Variants in PRKG1 observed in about 807,000 individuals in gnomAD.
PRKG1 encodes the protein cGMP-dependent protein kinase 1.
Under a neutral mutation model 88.1 loss-of-function variants are expected in PRKG1, and 35 were observed. The ratio of observed to expected loss-of-function variants is 0.40; its 90% CI spans 0.30 to 0.53. PRKG1 has a LOEUF of 0.53. Among genes scored for constraint, PRKG1 ranks in the 20% least tolerant of loss-of-function variants. PRKG1 has a pLI of 0.59. For synonymous variants in PRKG1, 303 were observed against 292.5 expected (o/e 1.04, Z -0.37); for missense variants, 540 against 839.8 (o/e 0.64, Z 4.41).
At chr10:51,583,128 A>T (rs10823239) in intron 3 of PRKG1, among the ~76,000 whole-genome samples, 3 of 151,954 alleles carry the variant, frequency 2.0e-5, no homozygotes, top group Admixed American at 6.6e-5. Context: ...CAGAAAGAAT[A>T]TAGCACAGTA....
intron 3 of PRKG1, among the ~76,000 whole-genome samples, chr10:51,533,426 G>A (rs926995164): frequency 1.3e-5 from 2 of 152,152 alleles, no homozygotes; most frequent in African/African-American, 4.8e-5. Context: ...CTGGAACTAA[G>A]TCCCTGACCC....
At chr10:51,136,480 T>C (rs1845688021) in intron 1 of PRKG1, among the ~76,000 whole-genome samples, 1 of 150,964 alleles carries the variant, frequency 6.6e-6, no homozygotes, top group Non-Finnish European at 1.5e-5. Context: ...AAGTTTAGAA[T>C]AGAGCCCTGG....
At chr10:52,262,225 T>G (rs1910542) in intron 10 of PRKG1, among the ~76,000 whole-genome samples, 135,707 of 152,116 alleles carry the variant, frequency 0.89, 61,133 homozygotes, top group East Asian at 1. Flanking sequence ...TATCTGATTT[T>G]AACTTACAAT....
At chr10:52,277,992 A>G (rs185433894) in intron 12 of PRKG1, among the ~76,000 whole-genome samples, 1 of 152,290 alleles carries the variant, frequency 6.6e-6, no homozygotes, top group Admixed American at 6.5e-5. Context: ...TCAAATCACA[A>G]TTAGACAGTC....
intron 3 of PRKG1, among the ~76,000 whole-genome samples, chr10:51,714,125 G>A (rs1420545596): frequency 1.3e-5 from 2 of 151,930 alleles, no homozygotes; most frequent in African/African-American, 2.4e-5. Flanking sequence ...GACTACAGGC[G>A]CCCGCCACCA....
At chr10:52,253,466 A>G (rs1589736649) in intron 10 of PRKG1, 1 of 151,976 alleles carries the variant, frequency 6.6e-6, no homozygotes, top group Non-Finnish European at 1.5e-5. Flanking sequence ...GGAGGTACAA[A>G]CAAAATTTTG....
intron 12 of PRKG1, among the ~76,000 whole-genome samples, chr10:52,273,592 C>T (rs1277759927): frequency 6.6e-6 from 1 of 151,922 alleles, no homozygotes; most frequent in Non-Finnish European, 1.5e-5. Context: ...TACAACAGGC[C>T]CTTTCGTGTT....
At position 51,153,171 on chromosome 10, in the gene PRKG1, G is replaced by A. The variant is rs751916382; in HGVS notation, c.319G>A (p.Asp107Asn). The change falls in exon 2 of 18, where the codon GAT (aspartate) becomes AAT (asparagine). Residue 107 changes from aspartate to asparagine, a missense_variant. Asp to Asn is a conservative substitution (Grantham distance 23, BLOSUM62 1). Around this residue, in one of 5 missense-constraint regions of PRKG1, gnomAD observed 400 missense variants for 562.7 expected, o/e 0.71. Coordinates refer to ENST00000373980, the MANE Select transcript of PRKG1 (RefSeq NM_006258.4). Reference sequence around the variant, plus strand: ...TTCCCTCTCTTGCCATAGGTCCAAGGATCTTATAAAGGAAGCTATCCTTGA... The same window carrying A: ...TTCCCTCTCTTGCCATAGGTCCAAGAATCTTATAAAGGAAGCTATCCTTGA... ...PFYPKSPQSK[D>N]LIKEAILDND... The A allele has an allele frequency of 1.5e-5, 24 of 1,611,244 alleles. No homozygotes were observed. Among genetic ancestry groups the A allele is most frequent in the Non-Finnish European group, 2.0e-5 (23 of 1,178,242 alleles).
chr10:51,229,926 C>CAAAAAAAAAAAAAAAAAAAA (rs35300789), intron 2 of PRKG1, among the ~76,000 whole-genome samples: 2 of 33,570 alleles, frequency 6.0e-5, no homozygotes, highest in African/African-American at 1.7e-4. Context: ...GAGGCGATCT[C>CAAAAAAAAAAAAAAAAAAAA]AAAAAAAAAA....
intron 2 of PRKG1, among the ~76,000 whole-genome samples, chr10:51,359,540 A>G (rs776461574): frequency 1.1e-4 from 17 of 151,898 alleles, no homozygotes; most frequent in Non-Finnish European, 2.5e-4. Flanking sequence ...TACTAATTTT[A>G]TTGAATTCAG....
At chr10:51,626,587 A>G (rs191261223) in intron 3 of PRKG1, among the ~76,000 whole-genome samples, 198 of 152,248 alleles carry the variant, frequency 1.3e-3, no homozygotes, top group Non-Finnish European at 2.1e-3. Context: ...AATAGCATTG[A>G]TTTTCAGACT....
intron 5 of PRKG1, among the ~76,000 whole-genome samples, chr10:51,987,401 T>C (rs1844189032): frequency 6.6e-6 from 1 of 151,460 alleles, no homozygotes; most frequent in South Asian, 2.1e-4. Context: ...CAAGCTTATG[T>C]TCTATACGTG....
chr10:51,627,970 C>CTT (rs531728027), intron 3 of PRKG1, among the ~76,000 whole-genome samples: 63,893 of 85,556 alleles, frequency 0.75, 23,589 homozygotes, highest in South Asian at 0.82. Flanking sequence ...TTCTTTCTTT[C>CTT]TCTTTCTTTC....
At chr10:51,296,233 G>A (rs895503301) in intron 2 of PRKG1, among the ~76,000 whole-genome samples, 8 of 152,044 alleles carry the variant, frequency 5.3e-5, no homozygotes, top group African/African-American at 1.9e-4. Context: ...TTTTGGAAGA[G>A]TTAAAGAAGG....
At chr10:51,772,218 G>A (rs976235863) in intron 3 of PRKG1, among the ~76,000 whole-genome samples, 3 of 152,084 alleles carry the variant, frequency 2.0e-5, no homozygotes, top group Non-Finnish European at 4.4e-5. Context: ...GGAAATATGT[G>A]TCAAACATTT....
intron 5 of PRKG1, among the ~76,000 whole-genome samples, chr10:51,985,250 T>G (rs556869328): frequency 1.6e-4 from 24 of 152,332 alleles, no homozygotes; most frequent in African/African-American, 5.5e-4. Context: ...AAAGTGCTTA[T>G]GGATTATTTT....
intron 5 of PRKG1, among the ~76,000 whole-genome samples, chr10:51,923,871 C>T (rs1192497579): frequency 6.6e-6 from 1 of 151,830 alleles, no homozygotes; most frequent in Admixed American, 6.6e-5. Context: ...TTTTGTTGCC[C>T]AGGCTAGAGT....
At chr10:51,838,633 T>A (rs1281123163) in intron 4 of PRKG1, among the ~76,000 whole-genome samples, 1 of 152,162 alleles carries the variant, frequency 6.6e-6, no homozygotes, top group Non-Finnish European at 1.5e-5. Context: ...ATGTCTTCCT[T>A]ATCTTCTTTG....
intron 1 of PRKG1, among the ~76,000 whole-genome samples, chr10:50,992,636 T>G (rs776183636): frequency 6.6e-6 from 1 of 152,092 alleles, no homozygotes; most frequent in Admixed American, 6.6e-5. Flanking sequence ...AGTTCAAAGT[T>G]GTATGTCACT....
Sources: gnomAD v4.1 joint callset for allele counts (sites outside exome capture counted in the v4.1 genomes callset) on GRCh38, gnomAD v4.1.1 for gene constraint, gnomAD v4.1.1 regional missense constraint, MANE v1.5 for transcripts, NCBI Gene and HGNC (gene_info 2026-07-23, HGNC 2026-07-21) for gene names.